The following UGGT2 variants were observed in gnomAD, a reference collection of about 807,000 sequenced individuals.
UGGT2 encodes the protein UDP-glucose glycoprotein glucosyltransferase 2, also known as UDP-glucose:glycoprotein glucosyltransferase 2.
UGGT2 carries 180 observed loss-of-function variants against 192.1 expected under a neutral mutation model. The ratio of observed to expected loss-of-function variants is 0.94; its 90% CI spans 0.83 to 1.06. UGGT2 has a LOEUF of 1.06. Among genes scored for constraint, UGGT2 ranks in the 50% least tolerant of loss-of-function variants. The pLI is 0.00. For missense variants in UGGT2, 1,849 were observed against 1,795.7 expected (o/e 1.03, Z -0.54); for synonymous variants, 580 against 591.0 (o/e 0.98, Z 0.27).
intron 38 of UGGT2, among the ~76,000 whole-genome samples, chr13:95,806,679 G>A (rs759285451): frequency 6.6e-6 from 1 of 152,070 alleles, no homozygotes; most frequent in African/African-American, 2.4e-5. Context: ...GTATGGTACT[G>A]GAATAAGAAG....
intron 1 of UGGT2, among the ~76,000 whole-genome samples, chr13:96,038,596 C>T (rs1819667797): frequency 6.6e-6 from 1 of 152,250 alleles, no homozygotes; most frequent in Middle Eastern, 3.4e-3. Flanking sequence ...TCATGAATCA[C>T]AGGTCTAACC....
rs1194369790 is a variant in UGGT2, at chr13:95,902,907, C to A, written c.2449G>T (p.Glu817Ter). Residue 817 changes from glutamate (E) to a stop codon, truncating the protein, a stop_gained, in exon 21 of 39, where the codon GAA becomes TAA. Transcript: ENST00000376747. LOFTEE classifies it high-confidence loss of function. ...RSFLGQLAKE[E>*]IATAIYSGDK... is the part of the protein sequence containing the mutation. ...CCAGAGTAAATAGCTGTAGCAATTT[C>A]TTCCTTTGCCAGTTGCCCAAGAAAG... 3.1e-6 allele frequency: 5 copies of A among 1,613,352 alleles called. No individual in the cohort carries two copies. Among genetic ancestry groups the A allele is most frequent in the Non-Finnish European group, 4.2e-6 (5 of 1,179,630 alleles).
chr13:96,017,383 C>A (rs997208220), intron 4 of UGGT2, among the ~76,000 whole-genome samples: 1 of 152,194 alleles, frequency 6.6e-6, no homozygotes, highest in Non-Finnish European at 1.5e-5. Context: ...CATGCTCTCA[C>A]TATGTGACGT....
intron 12 of UGGT2, among the ~76,000 whole-genome samples, chr13:95,953,479 G>A (rs1245344665): frequency 6.6e-6 from 1 of 152,130 alleles, no homozygotes; most frequent in Admixed American, 6.5e-5. Flanking sequence ...GAGTGCAGAA[G>A]GGAGGACCAA....
chr13:95,827,297 T>A (rs1435417576), intron 38 of UGGT2, among the ~76,000 whole-genome samples: 1 of 152,168 alleles, frequency 6.6e-6, no homozygotes, highest in South Asian at 2.1e-4. Context: ...TATCTCCAAA[T>A]GTATCCTTAT....
At chr13:95,939,640 T>C (rs1300077476) in intron 16 of UGGT2, among the ~76,000 whole-genome samples, 1 of 152,170 alleles carries the variant, frequency 6.6e-6, no homozygotes, top group Non-Finnish European at 1.5e-5. Flanking sequence ...ATCATATGCA[T>C]TACCTCATAT....
At chr13:96,052,850 G>C (rs945751387) in intron 1 of UGGT2, among the ~76,000 whole-genome samples, 7 of 152,250 alleles carry the variant, frequency 4.6e-5, no homozygotes, top group Admixed American at 2.0e-4. Context: ...CCCAGTAGAA[G>C]CTCTTGCGTT....
At chr13:95,817,430 C>A (rs1477400112) in intron 38 of UGGT2, among the ~76,000 whole-genome samples, 1 of 151,904 alleles carries the variant, frequency 6.6e-6, no homozygotes, top group African/African-American at 2.4e-5. Flanking sequence ...ACAGGAGAAA[C>A]AAAATTAGCT....
chr13:96,023,597 T>G (rs1404835457), intron 3 of UGGT2, 32 bp downstream of exon 3: 2 of 1,583,362 alleles, frequency 1.3e-6, no homozygotes, highest in Non-Finnish European at 1.7e-6. Context: ...GCGTGCCTCT[T>G]TGTCAAATAC....
At chr13:95,949,689 GTGTT>G (rs977584134) in intron 12 of UGGT2, among the ~76,000 whole-genome samples, 3 of 151,984 alleles carry the variant, frequency 2.0e-5, no homozygotes, top group Non-Finnish European at 4.4e-5. Context: ...CCTTTCACTT[GTGTT>G]TGTTTTTCAT....
At chr13:95,854,189 A>G in intron 35 of UGGT2, 126 bp downstream of exon 35, 1 of 965,238 alleles carries the variant, frequency 1.0e-6, no homozygotes, top group East Asian at 2.6e-5. Context: ...CATGAAATGA[A>G]CACTATGTAA....
chr13:96,031,433 T>A (rs2052831314), intron 2 of UGGT2, among the ~76,000 whole-genome samples: 1 of 152,108 alleles, frequency 6.6e-6, no homozygotes, highest in Non-Finnish European at 1.5e-5. Context: ...TCTCACAAAG[T>A]GCTGGGATTA....
At chr13:96,041,789 G>A (rs2053172072) in intron 1 of UGGT2, among the ~76,000 whole-genome samples, 1 of 152,114 alleles carries the variant, frequency 6.6e-6, no homozygotes, top group Admixed American at 6.5e-5. Flanking sequence ...ACAAAGCAGA[G>A]GCAGCCATAA....
At chr13:95,907,529 G>A (rs2048331951) in intron 20 of UGGT2, among the ~76,000 whole-genome samples, 1 of 152,210 alleles carries the variant, frequency 6.6e-6, no homozygotes, top group Non-Finnish European at 1.5e-5. Flanking sequence ...ATAGGCAGCT[G>A]CCCCTCTGGG....
chr13:95,966,062 A>C (rs2050569690), intron 12 of UGGT2, among the ~76,000 whole-genome samples: 1 of 152,218 alleles, frequency 6.6e-6, no homozygotes, highest in African/African-American at 2.4e-5. Context: ...AAAGGAAAAG[A>C]AACCAACATC....
chr13:95,881,609 A>G (rs765223266), intron 27 of UGGT2, among the ~76,000 whole-genome samples: 2 of 152,188 alleles, frequency 1.3e-5, no homozygotes, highest in East Asian at 1.9e-4. Flanking sequence ...AATAAAACTG[A>G]TATCAAAATT....
At chr13:96,042,434 C>G (rs2053191451) in intron 1 of UGGT2, among the ~76,000 whole-genome samples, 1 of 152,176 alleles carries the variant, frequency 6.6e-6, no homozygotes, top group Non-Finnish European at 1.5e-5. Flanking sequence ...AAAACCAACT[C>G]TAGTACTATG....
intron 5 of UGGT2, among the ~76,000 whole-genome samples, chr13:96,000,822 G>A (rs1049876347): frequency 1.3e-5 from 2 of 151,606 alleles, no homozygotes; most frequent in Non-Finnish European, 2.9e-5. Context: ...TGTAGTTTTA[G>A]TAAGTTTGGA....
At chr13:95,955,459 G>C (rs1352517813) in intron 12 of UGGT2, among the ~76,000 whole-genome samples, 1 of 152,188 alleles carries the variant, frequency 6.6e-6, no homozygotes, top group African/African-American at 2.4e-5. Flanking sequence ...TGGTACCTGG[G>C]TGTAGGCTGT....
Sources: allele counts gnomAD v4.1 joint callset (sites outside exome capture counted in the v4.1 genomes callset), GRCh38; gene constraint gnomAD v4.1.1; transcripts MANE v1.5; gene names NCBI Gene and HGNC (gene_info 2026-07-23, HGNC 2026-07-21).